LOC128462377: variants seen among roughly 807,000 people sequenced by gnomAD.
At chr16:89,377,152 T>C in the LOC128462377 span, among the ~76,000 whole-genome samples, 1 of 152,258 alleles carries the variant, frequency 6.6e-6, no homozygotes, top group African/African-American at 2.4e-5. Context: ...AGCAGAGGCG[T>C]CAACGTGGTC....
chr16:89,343,089 C>T, the LOC128462377 span, among the ~76,000 whole-genome samples: 3 of 152,112 alleles, frequency 2.0e-5, no homozygotes, highest in Non-Finnish European at 4.4e-5. Context: ...GGTGCGATCT[C>T]GGCTCACTGC....
chr16:89,384,121 G>A, the LOC128462377 span, among the ~76,000 whole-genome samples: 1,356 of 152,312 alleles, frequency 8.9e-3, 8 homozygotes, highest in Non-Finnish European at 0.014. Flanking sequence ...TCAGGAGGCC[G>A]AGGCAGGGAG....
At chr16:89,408,272 G>A in the LOC128462377 span, among the ~76,000 whole-genome samples, 1 of 152,246 alleles carries the variant, frequency 6.6e-6, no homozygotes, top group Non-Finnish European at 1.5e-5. Context: ...CTAGAGAAGT[G>A]GCAGCCCTTC....
At chr16:89,326,955 G>A in the LOC128462377 span, among the ~76,000 whole-genome samples, 2 of 152,130 alleles carry the variant, frequency 1.3e-5, no homozygotes, top group Non-Finnish European at 2.9e-5. Flanking sequence ...GCAGAGAAAA[G>A]CAGGTACAGC....
At chr16:89,338,726 CAAA>C in the LOC128462377 span, among the ~76,000 whole-genome samples, 2 of 43,792 alleles carry the variant, frequency 4.6e-5, no homozygotes, top group Admixed American at 5.8e-4. Context: ...CACTCAGTCT[CAAA>C]AAAAAAAAAA....
the LOC128462377 span, chr16:89,324,572 C>G: frequency 2.2e-6 from 1 of 454,100 alleles, no homozygotes; most frequent in Non-Finnish European, 4.4e-6. Flanking sequence ...AACCCTCCAT[C>G]TGGGGGGGCA....
At chr16:89,402,539 G>A in the LOC128462377 span, among the ~76,000 whole-genome samples, 2 of 151,470 alleles carry the variant, frequency 1.3e-5, no homozygotes, top group African/African-American at 2.4e-5. Context: ...AAATTGCTGC[G>A]TATGGTGCCG....
chr16:89,374,293 T>C, the LOC128462377 span, among the ~76,000 whole-genome samples: 1 of 152,020 alleles, frequency 6.6e-6, no homozygotes, highest in Admixed American at 6.6e-5. Flanking sequence ...AAAATATTAC[T>C]AGAGAGCCGA....
the LOC128462377 span, among the ~76,000 whole-genome samples, chr16:89,347,991 T>C: frequency 2.6e-5 from 4 of 152,026 alleles, no homozygotes; most frequent in African/African-American, 9.6e-5. Flanking sequence ...TGGAGTGAAA[T>C]GGCATGATCT....
chr16:89,330,109 T>G, the LOC128462377 span, among the ~76,000 whole-genome samples: 5 of 152,238 alleles, frequency 3.3e-5, no homozygotes, highest in African/African-American at 1.2e-4. Flanking sequence ...TTAAATATAC[T>G]TGAATGACAT....
the LOC128462377 span, among the ~76,000 whole-genome samples, chr16:89,333,736 A>G: frequency 6.6e-5 from 10 of 152,222 alleles, no homozygotes; most frequent in African/African-American, 2.4e-4. Context: ...CACCCTCTGC[A>G]GGACATCTTG....
the LOC128462377 span, among the ~76,000 whole-genome samples, chr16:89,407,368 G>C: frequency 6.6e-6 from 1 of 152,046 alleles, no homozygotes; most frequent in Non-Finnish European, 1.5e-5. Context: ...TTTAAAGAAA[G>C]AGACAACGAG....
At chr16:89,401,270 G>T in the LOC128462377 span, among the ~76,000 whole-genome samples, 2 of 152,070 alleles carry the variant, frequency 1.3e-5, no homozygotes, top group African/African-American at 2.4e-5. Flanking sequence ...GTAGAGACCG[G>T]GTTTCGCCAT....
At chr16:89,388,899 CAA>C in the LOC128462377 span, among the ~76,000 whole-genome samples, 8 of 152,140 alleles carry the variant, frequency 5.3e-5, no homozygotes, top group African/African-American at 1.9e-4. Context: ...CTGAAAGGGA[CAA>C]AAAGGTTCCA....
chr16:89,337,550 C>T, the LOC128462377 span, among the ~76,000 whole-genome samples: 1 of 146,712 alleles, frequency 6.8e-6, no homozygotes, highest in Non-Finnish European at 1.5e-5. Context: ...CATTCTCCTG[C>T]CTCAACCTCC....
the LOC128462377 span, among the ~76,000 whole-genome samples, chr16:89,340,472 A>G: frequency 1.3e-5 from 2 of 152,154 alleles, no homozygotes; most frequent in African/African-American, 4.8e-5. Flanking sequence ...ATGGGGTTTC[A>G]CAATGTTGTC....
the LOC128462377 span, among the ~76,000 whole-genome samples, chr16:89,390,411 G>A: frequency 6.6e-6 from 1 of 152,176 alleles, no homozygotes; most frequent in African/African-American, 2.4e-5. Flanking sequence ...CGAGTGTGGC[G>A]TGGGTGAGGT....
the LOC128462377 span, among the ~76,000 whole-genome samples, chr16:89,374,968 T>C: frequency 6.6e-6 from 1 of 152,094 alleles, no homozygotes; most frequent in Non-Finnish European, 1.5e-5. Context: ...GTACAAAATA[T>C]ATGTAGATAT....
the LOC128462377 span, chr16:89,323,982 C>G: frequency 4.5e-6 from 1 of 220,066 alleles, no homozygotes; most frequent in South Asian, 5.7e-5. Context: ...CCCCAAAATT[C>G]ACAGGTTCAA....
Sources: allele counts gnomAD v4.1 joint callset (sites outside exome capture counted in the v4.1 genomes callset), GRCh38; gene constraint gnomAD v4.1.1; transcripts MANE v1.5.